The following CSMD1 variants were observed in gnomAD, a reference collection of about 807,000 sequenced individuals.
CSMD1 encodes CUB and sushi domain-containing protein 1.
In CSMD1, 213 loss-of-function variants were observed where a neutral mutation model predicts 417.5. The observed-to-expected ratio is 0.51, with a 90% CI of 0.46 to 0.57. The LOEUF is 0.57. CSMD1 is among the 20% of genes least tolerant of loss of function. The pLI is 0.00. For synonymous variants in CSMD1, 2,862 were observed against 1,736.8 expected, an observed-to-expected ratio of 1.65 and a Z score of -16.11; for missense variants, 6,923 against 4,529.7, an observed-to-expected ratio of 1.53 and a Z score of -15.17.
intron 46 of CSMD1, among the ~76,000 whole-genome samples, chr8:3,105,478 T>C (rs10102101): frequency 0.029 from 4,431 of 152,338 alleles, 212 homozygotes; most frequent in African/African-American, 0.099. Flanking sequence ...TTTGAGCTTA[T>C]GTAAAGTTTT....
At chr8:3,296,836 G>T (rs1012345053) in intron 25 of CSMD1, among the ~76,000 whole-genome samples, 1 of 152,172 alleles carries the variant, frequency 6.6e-6, no homozygotes, top group East Asian at 1.9e-4. Context: ...GAAAATCAGA[G>T]TTTCTGTCTT....
chr8:4,201,519 G>A (rs1398569908), intron 3 of CSMD1, among the ~76,000 whole-genome samples: 1 of 108,028 alleles, frequency 9.3e-6, no homozygotes, highest in Non-Finnish European at 1.7e-5. Context: ...GCCTAGGTAA[G>A]AGATCCAGAC....
At chr8:3,059,847 G>C (rs558329046) in intron 49 of CSMD1, among the ~76,000 whole-genome samples, 2 of 152,242 alleles carry the variant, frequency 1.3e-5, no homozygotes, top group East Asian at 3.9e-4. Flanking sequence ...GATTCAAGCA[G>C]TTGGATAGAC....
chr8:4,961,087 G>A (rs530495710), intron 1 of CSMD1, among the ~76,000 whole-genome samples: 1 of 152,026 alleles, frequency 6.6e-6, no homozygotes, highest in Non-Finnish European at 1.5e-5. Context: ...TTAACAACGG[G>A]TGTTTACCTC....
In CSMD1 at chr8:4,192,520, C is replaced by T. The variant is rs562419197; in HGVS notation, c.416-160421G>A. On this transcript the variant is annotated intron_variant, in intron 3 of 69. Transcript: ENST00000635120. ...TAAAGCCCGTTTAAGACAATACCCC[C>T]TGACCTTTCAGCAACAGGGGCTTTT... 3.3e-5 allele frequency among the ~76,000 whole-genome samples: 5 copies of T among 152,192 alleles called. No individual in the cohort carries two copies. In the East Asian group the frequency reaches 5.8e-4, roughly 18 times the overall value.
At chr8:3,844,357 G>A (rs1396822278) in intron 5 of CSMD1, among the ~76,000 whole-genome samples, 2 of 152,096 alleles carry the variant, frequency 1.3e-5, no homozygotes, top group Non-Finnish European at 1.5e-5. Flanking sequence ...AGTCCCAGAA[G>A]TTCTATCTGG....
chr8:3,685,293 C>T (rs1799890451), intron 7 of CSMD1, among the ~76,000 whole-genome samples: 2 of 152,122 alleles, frequency 1.3e-5, no homozygotes, highest in South Asian at 2.1e-4. Context: ...AGTTTAATGA[C>T]TCGGCAGTCT....
intron 33 of CSMD1, among the ~76,000 whole-genome samples, chr8:3,193,382 T>C (rs1260917989): frequency 3.9e-5 from 6 of 152,102 alleles, no homozygotes; most frequent in Non-Finnish European, 7.4e-5. Context: ...AGGACACCAA[T>C]TGTAAGGACT....
intron 41 of CSMD1, among the ~76,000 whole-genome samples, chr8:3,124,294 T>C (rs1030874330): frequency 1.3e-5 from 2 of 152,202 alleles, no homozygotes; most frequent in Non-Finnish European, 2.9e-5. Flanking sequence ...CTGGTGAATT[T>C]AGGCAAATTA....
chr8:3,633,414 G>A (rs896405678), intron 7 of CSMD1, among the ~76,000 whole-genome samples: 5 of 152,196 alleles, frequency 3.3e-5, no homozygotes, highest in African/African-American at 9.6e-5. Context: ...ACTTCACAGT[G>A]AATGGTTGCT....
intron 2 of CSMD1, among the ~76,000 whole-genome samples, chr8:4,485,333 C>T (rs557065171): frequency 2.0e-5 from 3 of 152,168 alleles, no homozygotes; most frequent in Non-Finnish European, 4.4e-5. Context: ...ACTCTTCAAA[C>T]AACCTGTCTT....
Position 4,139,736 on chromosome 8 carries a change from G to A in CSMD1, c.416-107637C>T, listed in dbSNP as rs115427275. 2.6e-3 allele frequency among the ~76,000 whole-genome samples: 399 copies of A among 151,258 alleles called. 34 individuals carry two copies. The highest frequency in any genetic ancestry group is 9.5e-3 in the African/African-American group (385 of 40,562). The stretch of plus-strand genomic sequence containing the variant: ...AGCCCCGAGTGATGCTTGAGTAGAT[G>A]AGTACAAAGAACCCAGCAGGGCACA... On this transcript the variant is annotated intron_variant, in intron 3 of 69. Coordinates refer to ENST00000635120, the MANE Select transcript of CSMD1 (RefSeq NM_033225.6).
intron 1 of CSMD1, among the ~76,000 whole-genome samples, chr8:4,853,520 C>A (rs1801607126): frequency 6.6e-6 from 1 of 152,218 alleles, no homozygotes; most frequent in Non-Finnish European, 1.5e-5. Flanking sequence ...ACATAGATTT[C>A]AGAAGATGTA....
chr8:4,033,272 C>T (rs2740918), intron 3 of CSMD1, among the ~76,000 whole-genome samples: 12 of 151,758 alleles, frequency 7.9e-5, no homozygotes, highest in Non-Finnish European at 1.3e-4. Context: ...AACCCTGTCT[C>T]TACTAAAAAT....
At chr8:4,236,466 C>G (rs1157954) in intron 3 of CSMD1, among the ~76,000 whole-genome samples, 141,524 of 152,154 alleles carry the variant, frequency 0.93, 66,677 homozygotes, top group East Asian at 1. Flanking sequence ...ACAACAAACA[C>G]AACTGGCTGT....
At chr8:3,663,773 T>A (rs972884659) in intron 7 of CSMD1, among the ~76,000 whole-genome samples, 1 of 152,170 alleles carries the variant, frequency 6.6e-6, no homozygotes, top group Non-Finnish European at 1.5e-5. Context: ...ACCTCACATA[T>A]GCTGATTGAT....
chr8:3,968,396 G>A (rs923998866), intron 5 of CSMD1, among the ~76,000 whole-genome samples: 8 of 152,074 alleles, frequency 5.3e-5, no homozygotes, highest in Admixed American at 1.3e-4. Context: ...CACTGAGCAC[G>A]GCTCTTCTTC....
intron 26 of CSMD1, among the ~76,000 whole-genome samples, chr8:3,281,976 T>C (rs1036013466): frequency 1.3e-5 from 2 of 152,124 alleles, no homozygotes; most frequent in Non-Finnish European, 2.9e-5. Flanking sequence ...GTCTTTCCCC[T>C]TCCCCGGTCG....
chr8:3,306,009 C>T (rs768424495), intron 25 of CSMD1, among the ~76,000 whole-genome samples: 46 of 152,144 alleles, frequency 3.0e-4, no homozygotes, highest in Non-Finnish European at 5.4e-4. Context: ...ATTGTAGCAG[C>T]AGAAACACCA....
Sources: gnomAD v4.1 joint callset for allele counts (sites outside exome capture counted in the v4.1 genomes callset) on GRCh38, gnomAD v4.1.1 for gene constraint, MANE v1.5 for transcripts, NCBI Gene and HGNC (gene_info 2026-07-23, HGNC 2026-07-21) for gene names.